The following UTS2 variants were observed in gnomAD, a reference collection of about 807,000 sequenced individuals.
UTS2 encodes the protein urotensin 2.
UTS2 carries 10 observed loss-of-function variants against 12.6 expected under a neutral mutation model. The observed-to-expected ratio is 0.80, with a 90% confidence interval of 0.49 to 1.35. UTS2 has a LOEUF of 1.35. UTS2 is among the 40% of genes most tolerant of loss of function. UTS2 has a pLI of 0.00. For missense variants in UTS2, 142 were observed against 143.2 expected (o/e 0.99, Z 0.04); for synonymous variants, 52 against 50.0 (o/e 1.04, Z -0.17).
chr1:7,851,962 A>G (rs1295030873), intron 1 of UTS2, among the ~76,000 whole-genome samples: 2 of 152,110 alleles, frequency 1.3e-5, no homozygotes, highest in African/African-American at 4.8e-5. Flanking sequence ...TTCTTTGTAA[A>G]TAGCAGAGAT....
the UTS2 span, among the ~76,000 whole-genome samples, chr1:7,861,147 T>A: frequency 0.3 from 46,022 of 151,574 alleles, 7,257 homozygotes; most frequent in Middle Eastern, 0.33. Flanking sequence ...GTGCTGGATA[T>A]GAAAGAGGAA....
At chr1:7,888,679 G>C in the UTS2 span, among the ~76,000 whole-genome samples, 5 of 152,288 alleles carry the variant, frequency 3.3e-5, no homozygotes, top group East Asian at 9.6e-4. Flanking sequence ...CAGACCACAC[G>C]ACAAGTGTGA....
chr1:7,863,269 G>A, the UTS2 span, among the ~76,000 whole-genome samples: 5 of 151,790 alleles, frequency 3.3e-5, no homozygotes, highest in African/African-American at 9.7e-5. Flanking sequence ...GCACCACCAC[G>A]CCTGGCTAAT....
the UTS2 span, among the ~76,000 whole-genome samples, chr1:7,889,151 T>A: frequency 6.9e-6 from 1 of 145,716 alleles, no homozygotes; most frequent in Non-Finnish European, 1.5e-5. Flanking sequence ...TGGCCAGGTG[T>A]GGTGGCTCAT....
chr1:7,911,902 A>AAAG, the UTS2 span, among the ~76,000 whole-genome samples: 6 of 52,990 alleles, frequency 1.1e-4, no homozygotes, highest in African/African-American at 2.6e-4. Flanking sequence ...CTCTGTCTCA[A>AAAG]AAAAAAAAAA....
At chr1:7,851,168 C>T (rs1493615) in intron 1 of UTS2, among the ~76,000 whole-genome samples, 16,301 of 152,254 alleles carry the variant, frequency 0.11, 1,179 homozygotes, top group South Asian at 0.21. Context: ...CCAAGCCCCT[C>T]GGCTGCCTCG....
chr1:7,867,872 TC>T, the UTS2 span, among the ~76,000 whole-genome samples: 2 of 151,918 alleles, frequency 1.3e-5, no homozygotes. Context: ...CAAGACTCAG[TC>T]TCAAAAATAA....
the UTS2 span, among the ~76,000 whole-genome samples, chr1:7,883,662 CAATT>C: frequency 1.3e-5 from 2 of 151,976 alleles, no homozygotes; most frequent in Non-Finnish European, 2.9e-5. Context: ...TAAATATGCT[CAATT>C]ATCATGTATC....
the UTS2 span, among the ~76,000 whole-genome samples, chr1:7,902,982 G>T: frequency 6.7e-6 from 1 of 148,440 alleles, no homozygotes; most frequent in Non-Finnish European, 1.5e-5. Context: ...TTTACTGTCT[G>T]GCTTTTCTCC....
chr1:7,868,857 A>T, the UTS2 span, among the ~76,000 whole-genome samples: 9 of 152,132 alleles, frequency 5.9e-5, no homozygotes, highest in East Asian at 1.7e-3. Flanking sequence ...CATGAGGGTG[A>T]GACCCCCATG....
chr1:7,869,891 T>G, the UTS2 span, among the ~76,000 whole-genome samples: 2 of 152,180 alleles, frequency 1.3e-5, no homozygotes, highest in African/African-American at 4.8e-5. Context: ...ATCACTGATA[T>G]CAGAGGAGAC....
the UTS2 span, among the ~76,000 whole-genome samples, chr1:7,892,509 T>A: frequency 7.8e-6 from 1 of 128,520 alleles, no homozygotes; most frequent in African/African-American, 3.0e-5. Context: ...GGAGTGTCAC[T>A]CTGTCATCCA....
intron 3 of UTS2, among the ~76,000 whole-genome samples, chr1:7,848,585 A>T (rs1325299926): frequency 6.6e-6 from 1 of 151,768 alleles, no homozygotes; most frequent in Non-Finnish European, 1.5e-5. Context: ...AAGTAGTGCG[A>T]TCTCCTCTCA....
chr1:7,857,144 G>GAAGGAAGGAAGGAA (rs1491070160), upstream of UTS2, among the ~76,000 whole-genome samples: 41 of 149,680 alleles, frequency 2.7e-4, no homozygotes, highest in East Asian at 5.8e-4. Flanking sequence ...AGGAAGGAAG[G>GAAGGAAGGAAGGAA]TGAAGCATGT....
the UTS2 span, among the ~76,000 whole-genome samples, chr1:7,881,972 C>T: frequency 9.2e-5 from 14 of 152,160 alleles, no homozygotes; most frequent in South Asian, 4.2e-4. Flanking sequence ...GAAATAAATC[C>T]GTATATTCAC....
At chr1:7,910,570 A>T in the UTS2 span, among the ~76,000 whole-genome samples, 1 of 152,180 alleles carries the variant, frequency 6.6e-6, no homozygotes, top group Non-Finnish European at 1.5e-5. Flanking sequence ...TTGGGTCTTC[A>T]TTCTGAAGGC....
chr1:7,897,615 C>T, the UTS2 span, among the ~76,000 whole-genome samples: 4 of 152,060 alleles, frequency 2.6e-5, no homozygotes, highest in Admixed American at 1.3e-4. Flanking sequence ...CAGAGTTATG[C>T]TCAGCCTGTT....
At chr1:7,904,634 G>A in the UTS2 span, among the ~76,000 whole-genome samples, 1 of 152,196 alleles carries the variant, frequency 6.6e-6, no homozygotes, top group Non-Finnish European at 1.5e-5. Context: ...GCTGGGAGCA[G>A]TGGCTCACGC....
the UTS2 span, among the ~76,000 whole-genome samples, chr1:7,888,270 G>T: frequency 3.3e-4 from 50 of 151,890 alleles, no homozygotes; most frequent in Non-Finnish European, 4.9e-4. Context: ...CACATAAATG[G>T]CACTTTCTGC....
Sources: allele counts gnomAD v4.1 joint callset (sites outside exome capture counted in the v4.1 genomes callset), GRCh38; gene constraint gnomAD v4.1.1; transcripts MANE v1.5; gene names NCBI Gene and HGNC (gene_info 2026-07-23, HGNC 2026-07-21).